SENP7: variants seen among roughly 807,000 people sequenced by gnomAD.
SENP7 encodes SUMO specific peptidase 7.
SENP7 carries 64 observed loss-of-function variants against 141.2 expected under a neutral mutation model. The ratio of observed to expected loss-of-function variants is 0.45; its 90% confidence interval spans 0.37 to 0.56. SENP7 has a LOEUF of 0.56. Ranked by LOEUF, SENP7 falls within the 20% of genes least tolerant of loss-of-function variation. The pLI, the probability that SENP7 is intolerant of heterozygous loss-of-function variation, is 0.00. For synonymous variants in SENP7, 382 were observed against 426.4 expected, an observed-to-expected ratio of 0.90 and a Z score of 1.28; for missense variants, 1,025 against 1,212.2, an observed-to-expected ratio of 0.85 and a Z score of 2.29.
chr3:101,433,308 C>T (rs1330435362), intron 4 of SENP7, among the ~76,000 whole-genome samples: 3 of 148,644 alleles, frequency 2.0e-5, no homozygotes, highest in Admixed American at 1.3e-4. Flanking sequence ...TAAAAATCAC[C>T]TTCACTAGAG....
intron 4 of SENP7, among the ~76,000 whole-genome samples, chr3:101,441,948 T>C (rs1169754237): frequency 1.3e-5 from 2 of 152,140 alleles, no homozygotes; most frequent in Admixed American, 6.5e-5. Context: ...ATATCACTGA[T>C]TATGACCAAA....
At chr3:101,328,362 G>T in intron 22 of SENP7, 116 bp downstream of exon 22, 1 of 655,164 alleles carries the variant, frequency 1.5e-6, no homozygotes, top group Non-Finnish European at 2.6e-6. Flanking sequence ...TAGGATTGTT[G>T]AAATAGATAA....
In SENP7 at chr3:101,336,610, G is replaced by A. The variant is rs570098165; in HGVS notation, c.2480+899C>T. Among the ~76,000 whole-genome samples, 16 of 152,260 alleles carry A rather than the reference G, an allele frequency of 1.1e-4. No individual in the cohort carries two copies. The South Asian group carries it at 1.5e-3, about 14-fold the overall frequency. ...AAAACTGAAATAATGTCAATAAATG[G>A]AGTTGTAAATTGTAAAGCAGTAGAG... On this transcript the variant is annotated intron_variant, in intron 17 of 23. Coordinates refer to ENST00000394095, the MANE Select transcript of SENP7 (RefSeq NM_020654.5).
Position 101,367,899 on chromosome 3 carries a change from C to G in SENP7, c.909G>C (p.Lys303Asn). Residue 303 changes from lysine (K) to asparagine (N), a missense_variant, in exon 8 of 24, where the codon AAG (lysine) becomes AAC (asparagine). Physicochemically the swap from Lys to Asn is moderately conservative, Grantham distance 94 (BLOSUM62 0). Around this residue, in one of 4 missense-constraint regions of SENP7, gnomAD observed 496 missense variants for 503.5 expected, o/e 0.99. Transcript: ENST00000394095. ...CAGGTAAATTATTTCTAAGCCTTCTCTTTGTCTTCCTGGAAATCAGAGTGA... is the reference window on the plus strand; with the variant it reads ...CAGGTAAATTATTTCTAAGCCTTCTGTTTGTCTTCCTGGAAATCAGAGTGA... Reference protein sequence around the residue: ...VELTLISRKTKRRLRNNLPDS... With the variant: ...VELTLISRKTNRRLRNNLPDS... 6.2e-7 allele frequency: 1 copy of G among 1,611,546 alleles called. No individual in the cohort carries two copies. The highest frequency in any genetic ancestry group is 8.5e-7 in the Non-Finnish European group (1 of 1,178,022).
intron 3 of SENP7, among the ~76,000 whole-genome samples, chr3:101,464,304 G>C (rs539139249): frequency 3.3e-5 from 5 of 152,262 alleles, no homozygotes; most frequent in Non-Finnish European, 7.4e-5. Flanking sequence ...TAAAGCAGGA[G>C]TCCCTAACCC....
chr3:101,411,970 A>G (rs1016308663), intron 5 of SENP7, among the ~76,000 whole-genome samples: 56 of 152,172 alleles, frequency 3.7e-4, no homozygotes, highest in Non-Finnish European at 1.5e-4. Flanking sequence ...CTGCATGATT[A>G]TTCTCTCTGA....
In SENP7 at chr3:101,366,522, A is replaced by T. The variant is rs779381169; in HGVS notation, c.1226T>A (p.Val409Asp). ...ATTCAACTCATTCTCATCCTTCTCAACCAGGGAAGAAATCCCCACAATATC... is the reference window on the plus strand; with the variant it reads ...ATTCAACTCATTCTCATCCTTCTCATCCAGGGAAGAAATCCCCACAATATC... ...SIDIVGISSL[V>D]EKDENELNTI... Residue 409 changes from valine (V) to aspartate (D), a missense_variant, in exon 9 of 24, where the codon GTT (valine) becomes GAT (aspartate). Around this residue, in one of 4 missense-constraint regions of SENP7, gnomAD observed 496 missense variants for 503.5 expected, o/e 0.99. Transcript: ENST00000394095. 21 of 1,613,696 alleles carry T rather than the reference A, an allele frequency of 1.3e-5. No individual in the cohort carries two copies. The African/African-American group carries it at 2.4e-4, about 18-fold the overall frequency.
In SENP7 at chr3:101,427,871, GGT is replaced by G. The variant is rs531419785; in HGVS notation, c.285-10083_285-10082del. On this transcript the variant is annotated intron_variant, in intron 4 of 23. Transcript: ENST00000394095. Reference sequence around the variant, plus strand: ...AGCCCCCCACTCCCCAACAGGCCCTGGTGTGTGATGTTCCCTGCCCTGTGTCC... The same window carrying G: ...AGCCCCCCACTCCCCAACAGGCCCTGGTGTGATGTTCCCTGCCCTGTGTCC... 1.3e-4 allele frequency among the ~76,000 whole-genome samples: 20 copies of G among 151,954 alleles called. 1 individual carries two copies. Among genetic ancestry groups the G allele is most frequent in the African/African-American group, 4.8e-4 (20 of 41,430 alleles).
intron 20 of SENP7, 147 bp downstream of exon 20, chr3:101,330,187 C>T: frequency 1.9e-6 from 1 of 524,796 alleles, no homozygotes; most frequent in Non-Finnish European, 3.4e-6. Context: ...TTCTCTTCCC[C>T]AGCCCCACAA....
chr3:101,446,434 A>G (rs917998468), intron 4 of SENP7, among the ~76,000 whole-genome samples: 6 of 152,238 alleles, frequency 3.9e-5, no homozygotes, highest in Admixed American at 3.9e-4. Context: ...GACATTTACA[A>G]AACATTTCAT....
intron 4 of SENP7, among the ~76,000 whole-genome samples, chr3:101,447,718 A>G (rs1324528959): frequency 1.3e-5 from 2 of 152,188 alleles, no homozygotes; most frequent in Admixed American, 6.5e-5. Context: ...TTTTTTGGTT[A>G]AAATGATAAG....
chr3:101,361,542 G>A (rs2059902351), intron 11 of SENP7, among the ~76,000 whole-genome samples, 173 bp downstream of exon 11: 1 of 151,736 alleles, frequency 6.6e-6, no homozygotes, highest in Non-Finnish European at 1.5e-5. Context: ...TTTAGGAGGG[G>A]AGAATGAAAG....
chr3:101,350,285 A>G (rs539123411), intron 12 of SENP7, among the ~76,000 whole-genome samples: 4 of 152,234 alleles, frequency 2.6e-5, no homozygotes, highest in African/African-American at 9.6e-5. Context: ...AAAATAAAAT[A>G]TTTTCTTTAT....
intron 3 of SENP7, among the ~76,000 whole-genome samples, chr3:101,467,664 T>TCAACAAAAAGGTCATCTA (rs1234341305): frequency 7.3e-5 from 11 of 151,560 alleles, no homozygotes; most frequent in Non-Finnish European, 1.6e-4. Context: ...AGCATCAACA[T>TCAACAAAAAGGTCATCTA]CAACAAAAAG....
At chr3:101,477,058 A>T (rs189324200) in intron 3 of SENP7, among the ~76,000 whole-genome samples, 3 of 152,092 alleles carry the variant, frequency 2.0e-5, no homozygotes. Context: ...TTGCCTATTC[A>T]CTCTGATGAT....
intron 6 of SENP7, among the ~76,000 whole-genome samples, chr3:101,382,982 C>A (rs1576169314): frequency 2.0e-5 from 3 of 152,192 alleles, no homozygotes. Flanking sequence ...GATGAGCACC[C>A]TAATAAGGAC....
intron 6 of SENP7, among the ~76,000 whole-genome samples, chr3:101,375,542 C>CAAAAAAAAA (rs1553705938): frequency 3.9e-5 from 1 of 25,512 alleles, no homozygotes; most frequent in African/African-American, 1.9e-4. Context: ...AATTCCATCT[C>CAAAAAAAAA]CAAAAAAAAA....
intron 5 of SENP7, chr3:101,414,386 G>A (rs1576275935): frequency 4.3e-5 from 40 of 930,538 alleles, no homozygotes; most frequent in East Asian, 1.7e-4. Context: ...ATCAAGCACT[G>A]CCATGTGCTT....
In SENP7 at chr3:101,469,830, C is replaced by CAAA. The variant is rs58498056; in HGVS notation, c.187-10781_187-10779dup. Among the ~76,000 whole-genome samples, 84 of 24,550 alleles carry CAAA rather than the reference C, an allele frequency of 3.4e-3. 5 individuals carry two copies. The highest frequency in any genetic ancestry group is 7.9e-3 in the African/African-American group (54 of 6,830). The allele number at this position is 24,550 out of a possible 152,430, so 16.1% of individuals were successfully genotyped here. Reference sequence around the variant, plus strand: ...TGGGCGACAGAGCAAGACTCCGTCTCAAAAAAAAAAAAAAAAAAAAAAGAA... The same window carrying CAAA: ...TGGGCGACAGAGCAAGACTCCGTCTCAAAAAAAAAAAAAAAAAAAAAAAAAGAA... On this transcript the variant is annotated intron_variant, in intron 3 of 23. Coordinates refer to ENST00000394095, the MANE Select transcript of SENP7 (RefSeq NM_020654.5).
Sources: gnomAD v4.1 joint callset for allele counts (sites outside exome capture counted in the v4.1 genomes callset) on GRCh38, gnomAD v4.1.1 for gene constraint, gnomAD v4.1.1 regional missense constraint, MANE v1.5 for transcripts, NCBI Gene and HGNC (gene_info 2026-07-23, HGNC 2026-07-21) for gene names.